ADGRL1: variants seen among roughly 807,000 people sequenced by gnomAD.
The protein encoded by ADGRL1 is adhesion G protein-coupled receptor L1.
In ADGRL1, 31 loss-of-function variants were observed where a neutral mutation model predicts 148.9. The observed-to-expected ratio is 0.21, with a 90% confidence interval of 0.16 to 0.28. The LOEUF (loss-of-function observed/expected upper bound fraction) is 0.28, where lower values mean the gene tolerates loss of function less well. Ranked by LOEUF, ADGRL1 falls within the 10% of genes least tolerant of loss-of-function variation. The pLI, the probability that ADGRL1 is intolerant of heterozygous loss-of-function variation, is 1.00. For synonymous variants in ADGRL1, 937 were observed against 900.3 expected (o/e 1.04, Z -0.73); for missense variants, 1,521 against 2,058.8 (o/e 0.74, Z 5.05).
chr19:14,160,311 G>T lies in ADGRL1; in HGVS notation c.1615-14C>A. On this transcript the variant is annotated splice_polypyrimidine_tract_variant and intron_variant, in intron 7 of 22. Coordinates refer to ENST00000361434, the MANE Select transcript of ADGRL1 (RefSeq NM_014921.5). This position sits in a 1 kb window ranked among gnomAD's most constrained non-coding sequence, Gnocchi z 5.9. Reference sequence around the variant, plus strand: ...CCCACTCTTGATCTGCATGAGGTGGGGGCGGGAAGGGGGAATCCCAGGACT... The same window carrying T: ...CCCACTCTTGATCTGCATGAGGTGGTGGCGGGAAGGGGGAATCCCAGGACT... 6.3e-7 allele frequency: 1 copy of T among 1,579,590 alleles called. No individual in the cohort carries two copies. The highest frequency in any genetic ancestry group is 8.7e-7 in the Non-Finnish European group (1 of 1,154,756).
Position 14,152,659 on chromosome 19 carries a change from C to A in ADGRL1, c.3424-46G>T. Reference sequence around the variant, plus strand: ...TGAGGGGATCCTTGGGCCACCCACCCTCTGGCGTCTTTCTGAGACTGCTCA... The same window carrying A: ...TGAGGGGATCCTTGGGCCACCCACCATCTGGCGTCTTTCTGAGACTGCTCA... On this transcript the variant is annotated intron_variant, in intron 19 of 22. Transcript: ENST00000361434. This position sits in a 1 kb window ranked among gnomAD's most constrained non-coding sequence, Gnocchi z 6.1. 6.2e-7 allele frequency: 1 copy of A among 1,603,020 alleles called. No individual in the cohort carries two copies. Among genetic ancestry groups the A allele is most frequent in the Non-Finnish European group, 8.5e-7 (1 of 1,170,710 alleles).
chr19:14,151,153 T>C lies in ADGRL1; in HGVS notation c.4130A>G (p.Asp1377Gly), dbSNP rs1451583442. 1 of 1,602,736 alleles carries C rather than the reference T, an allele frequency of 6.2e-7. No homozygotes were observed. The highest frequency in any genetic ancestry group is 1.1e-5 in the South Asian group (1 of 89,728). ...SRPLSSPPGR[D>G]SLYASGANLR... Reference sequence around the variant, plus strand: ...GTTGGCCCCGCTGGCATAGAGGGAGTCCCGGCCAGGAGGGGAGGAGAGGGG... The same window carrying C: ...GTTGGCCCCGCTGGCATAGAGGGAGCCCCGGCCAGGAGGGGAGGAGAGGGG... Residue 1377 changes from aspartate (D) to glycine (G), a missense_variant, in exon 23 of 23, where the codon GAC (aspartate) becomes GGC (glycine). Asp to Gly is a moderately conservative substitution (Grantham distance 94). Around this residue, in one of 8 missense-constraint regions of ADGRL1, gnomAD observed 390 missense variants for 375.0 expected, o/e 1.04. Coordinates refer to ENST00000361434, the MANE Select transcript of ADGRL1 (RefSeq NM_014921.5).
chr19:14,166,562 CAG>C lies in ADGRL1; in HGVS notation c.395-3158_395-3157del, dbSNP rs370519604. 1.6e-3 allele frequency among the ~76,000 whole-genome samples: 233 copies of C among 147,204 alleles called. 1 individual carries two copies. Among genetic ancestry groups the C allele is most frequent in the Non-Finnish European group, 2.0e-3 (132 of 66,350 alleles). On this transcript the variant is annotated intron_variant, in intron 4 of 22. Transcript: ENST00000361434. ...GAAGGAGGAAGAGAGAGGGGAGAGA[CAG>C]AGAGAGAGAGAGAGAGAAAGAGAGA... is the stretch of plus-strand genomic sequence containing the variant.
At chr19:14,151,639 C>A in intron 22 of ADGRL1, 24 bp from the exon 23 acceptor site, 1 of 1,564,846 alleles carries the variant, frequency 6.4e-7, no homozygotes, top group South Asian at 1.2e-5. Flanking sequence ...AGGGGCTGGT[C>A]AGGTTGAAGA....
Position 14,159,140 on chromosome 19 carries a change from T to C in ADGRL1, c.2099A>G (p.Lys700Arg), listed in dbSNP as rs771848078. Residue 700 changes from lysine to arginine, a missense_variant, in exon 11 of 23, where the codon AAG (lysine) becomes AGG (arginine). Lys to Arg is a conservative substitution (Grantham distance 26, BLOSUM62 2). Coordinates refer to ENST00000361434, the MANE Select transcript of ADGRL1 (RefSeq NM_014921.5). The surrounding 1 kb of genome is among the most constrained non-coding windows in gnomAD (Gnocchi z 6.0). Reference sequence around the variant, plus strand: ...TTTGGCAGACAGCTGGATGGAGTTCTTTCTCGGGTACTCCTCCTGGGGGAA... The same window carrying C: ...TTTGGCAGACAGCTGGATGGAGTTCCTTCTCGGGTACTCCTCCTGGGGGAA... ...LVFPQEEYPRKNSIQLSAKTI... is the reference protein window; with the variant it reads ...LVFPQEEYPRRNSIQLSAKTI... 6.2e-7 allele frequency: 1 copy of C among 1,614,018 alleles called. No homozygotes were observed. Among genetic ancestry groups the C allele is most frequent in the Admixed American group, 1.7e-5 (1 of 60,006 alleles).
Position 14,183,227 on chromosome 19 carries a change from GAC to G in ADGRL1, c.70+304_70+305del, listed in dbSNP as rs1491358753. Among the ~76,000 whole-genome samples, 11 of 152,140 alleles carry G rather than the reference GAC, an allele frequency of 7.2e-5. No homozygotes were observed. The South Asian group carries it at 1.2e-3, about 17-fold the overall frequency. On this transcript the variant is annotated intron_variant, in intron 2 of 22. Transcript: ENST00000361434. ...AGAGAGAGAGAGAGAGCGAGAGAGAGACAGAGAGAGGAGCATCGGCTCACCAA... is the reference window on the plus strand; with the variant it reads ...AGAGAGAGAGAGAGAGCGAGAGAGAGAGAGAGAGGAGCATCGGCTCACCAA...
Position 14,161,200 on chromosome 19 carries a change from C to T in ADGRL1, c.1510+112G>A. The T allele has an allele frequency of 9.2e-7, 1 of 1,082,552 alleles. No individual in the cohort carries two copies. The highest frequency in any genetic ancestry group is 1.3e-6 in the Non-Finnish European group (1 of 790,736). 67.1% of individuals were successfully genotyped at this position (1,082,552 alleles called of 1,614,324 possible). A position where few individuals can be genotyped will look rare whatever the true frequency, so the allele number is the denominator to read the frequency against. Reference sequence around the variant, plus strand: ...TGCTGGTCACTGGGGATGACCCCTGCCCTCAGAAAACCTCTGCTCCGCAGT... The same window carrying T: ...TGCTGGTCACTGGGGATGACCCCTGTCCTCAGAAAACCTCTGCTCCGCAGT... On this transcript the variant is annotated intron_variant, in intron 6 of 22. Transcript: ENST00000361434. The surrounding 1 kb of genome is among the most constrained non-coding windows in gnomAD (Gnocchi z 4.4).
intron 1 of ADGRL1, among the ~76,000 whole-genome samples, chr19:14,194,149 C>G (rs1051976606): frequency 6.6e-6 from 1 of 152,192 alleles, no homozygotes; most frequent in African/African-American, 2.4e-5. Flanking sequence ...GAGGCTGAGG[C>G]TGCAGTGACC....
At chr19:14,176,507 C>CAGGT (rs900103572) in intron 3 of ADGRL1, among the ~76,000 whole-genome samples, 10 of 152,124 alleles carry the variant, frequency 6.6e-5, no homozygotes, top group African/African-American at 1.9e-4. Context: ...CATCTGTGCT[C>CAGGT]AGGTGTCTCC....
chr19:14,182,047 CCAGA>C (rs996980541), intron 2 of ADGRL1, among the ~76,000 whole-genome samples: 4 of 152,120 alleles, frequency 2.6e-5, no homozygotes, highest in Non-Finnish European at 5.9e-5. Context: ...AATGTAGGAG[CCAGA>C]CAGATGGCTG....
chr19:14,159,805 G>C lies in ADGRL1; in HGVS notation c.1801-32C>G. Reference sequence around the variant, plus strand: ...AGAGATGGAGGTGATGTCAGGCCAGGCCTCTGGGTGCCGGTTCCCTCACCC... The same window carrying C: ...AGAGATGGAGGTGATGTCAGGCCAGCCCTCTGGGTGCCGGTTCCCTCACCC... On this transcript the variant is annotated intron_variant, in intron 8 of 22. Transcript: ENST00000361434. This position sits in a 1 kb window ranked among gnomAD's most constrained non-coding sequence, Gnocchi z 6.0. 1 of 1,590,854 alleles carries C rather than the reference G, an allele frequency of 6.3e-7. No individual in the cohort carries two copies. The highest frequency in any genetic ancestry group is 8.6e-7 in the Non-Finnish European group (1 of 1,159,128).
At chr19:14,166,239 C>T (rs1329644801) in intron 4 of ADGRL1, among the ~76,000 whole-genome samples, 1 of 152,010 alleles carries the variant, frequency 6.6e-6, no homozygotes, top group Non-Finnish European at 1.5e-5. Context: ...CGCCCCCGCC[C>T]CCTCGCCCTC....
At chr19:14,184,072 T>G (rs991235998) in intron 1 of ADGRL1, among the ~76,000 whole-genome samples, 1 of 152,150 alleles carries the variant, frequency 6.6e-6, no homozygotes, top group Admixed American at 6.5e-5. Context: ...AAGGAGGTAA[T>G]GAGTGTCCTC....
intron 3 of ADGRL1, among the ~76,000 whole-genome samples, chr19:14,172,294 T>G (rs1466078864): frequency 6.6e-6 from 1 of 150,622 alleles, no homozygotes; most frequent in Non-Finnish European, 1.5e-5. Flanking sequence ...TGGTGGTGCA[T>G]GTCTGTAATC....
rs1252999887 is a variant in ADGRL1 at position 14,157,521 on chromosome 19, GGTGC to G, written c.2536-65_2536-62del. 1 of 1,540,178 alleles carries G rather than the reference GGTGC, an allele frequency of 6.5e-7. No homozygotes were observed. Among genetic ancestry groups the G allele is most frequent in the Non-Finnish European group, 8.9e-7 (1 of 1,117,794 alleles). On this transcript the variant is annotated intron_variant, in intron 13 of 22. Transcript: ENST00000361434. This position sits in a 1 kb window ranked among gnomAD's most constrained non-coding sequence, Gnocchi z 7.5. ...TGGTTTTGCACGCTGGGCTCAGCCAGGTGCCAGCCACAGACAGGGCCCTGGGCAA... is the reference window on the plus strand; with the variant it reads ...TGGTTTTGCACGCTGGGCTCAGCCAGCAGCCACAGACAGGGCCCTGGGCAA...
rs1367451829 is a variant in ADGRL1, at chr19:14,177,647, G to C, written c.168C>G (p.Ile56Met). 1 of 1,614,248 alleles carries C rather than the reference G, an allele frequency of 6.2e-7. No homozygotes were observed. The highest frequency in any genetic ancestry group is 1.7e-5 in the Admixed American group (1 of 60,034). The change falls in exon 3 of 23, where the codon ATC becomes ATG. Residue 56 changes from isoleucine (I) to methionine (M), a missense_variant. Transcript: ENST00000361434. ...IELRCPGSDV[I>M]MVENANYGRT... ...GCCCGTAGTTGGCATTCTCCACCAT[G>C]ATGACGTCGCTGCCGGGGCACCGCA... is the stretch of plus-strand genomic sequence containing the variant.
Position 14,150,623 on chromosome 19 carries a change from C to G in ADGRL1, c.*250G>C, listed in dbSNP as rs923765949. 39 of 532,194 alleles carry G rather than the reference C, an allele frequency of 7.3e-5. No individual in the cohort carries two copies. Among genetic ancestry groups the G allele is most frequent in the Non-Finnish European group, 1.1e-4 (32 of 303,508 alleles). The allele number at this position is 532,194 out of a possible 1,614,324, so 33.0% of individuals were successfully genotyped here. ...CCTCACTCCCCTGGGGTCCTCTGGG[C>G]TCCTCCTCACTACACTTCCCCCAAA... is the stretch of plus-strand genomic sequence containing the variant. On this transcript the variant is annotated 3_prime_UTR_variant, in exon 23 of 23. Transcript: ENST00000361434.
chr19:14,172,877 A>C (rs1970574077), intron 3 of ADGRL1, among the ~76,000 whole-genome samples: 1 of 152,180 alleles, frequency 6.6e-6, no homozygotes, highest in Non-Finnish European at 1.5e-5. Flanking sequence ...CTTATGTTCA[A>C]GTAGCCCTTA....
chr19:14,184,867 C>T (rs1422778303), intron 1 of ADGRL1, among the ~76,000 whole-genome samples: 2 of 152,030 alleles, frequency 1.3e-5, no homozygotes, highest in African/African-American at 4.8e-5. Flanking sequence ...TCTCTATCTC[C>T]TGACCTCGTG....
Sources: allele counts gnomAD v4.1 joint callset (sites outside exome capture counted in the v4.1 genomes callset), GRCh38; gene constraint gnomAD v4.1.1; regional missense constraint gnomAD v4.1.1; non-coding constraint Gnocchi (gnomAD v3.1); transcripts MANE v1.5; gene names NCBI Gene and HGNC (gene_info 2026-07-23, HGNC 2026-07-21).